Variants in TENM2 observed in about 807,000 individuals in gnomAD.
The protein encoded by TENM2 is teneurin transmembrane protein 2.
In TENM2, 52 loss-of-function variants were observed where a neutral mutation model predicts 245.2. That is an observed-to-expected ratio of 0.21 (90% CI 0.17 to 0.27). The LOEUF is 0.27. Among genes scored for constraint, TENM2 ranks in the 10% least tolerant of loss-of-function variants. The pLI is 1.00. For missense variants in TENM2, 3,046 were observed against 3,666.8 expected (o/e 0.83, Z 4.37); for synonymous variants, 1,363 against 1,438.9 (o/e 0.95, Z 1.19).
intron 2 of TENM2, among the ~76,000 whole-genome samples, chr5:167,489,822 A>G (rs756131401): frequency 2.0e-5 from 3 of 152,172 alleles, no homozygotes; most frequent in Non-Finnish European, 4.4e-5. Flanking sequence ...CAACTTAGTA[A>G]TACCTGAGAA....
the TENM2 span, among the ~76,000 whole-genome samples, chr5:167,179,463 A>G: frequency 1.3e-5 from 2 of 151,954 alleles, no homozygotes; most frequent in Admixed American, 6.6e-5. Context: ...ATTCTTTTTT[A>G]TTTTATTTTA....
intron 2 of TENM2, among the ~76,000 whole-genome samples, chr5:167,424,339 A>G (rs979349275): frequency 6.6e-6 from 1 of 152,044 alleles, no homozygotes; most frequent in Non-Finnish European, 1.5e-5. Context: ...ACACACACAC[A>G]TTCAGAAATT....
At chr5:167,801,844 A>G (rs1659009038) in intron 2 of TENM2, among the ~76,000 whole-genome samples, 2 of 152,084 alleles carry the variant, frequency 1.3e-5, no homozygotes. Flanking sequence ...GTAAGACCAG[A>G]GAGATCACAG....
At chr5:167,990,627 C>T (rs2152001857) in intron 4 of TENM2, among the ~76,000 whole-genome samples, 1 of 152,302 alleles carries the variant, frequency 6.6e-6, no homozygotes, top group South Asian at 2.1e-4. Context: ...AACACCATGC[C>T]TAGCTTCCTC....
Position 168,052,298 on chromosome 5 carries a change from G to A in TENM2, c.1309+4749G>A, listed in dbSNP as rs920394611. On this transcript the variant is annotated intron_variant, in intron 6 of 28. Transcript: ENST00000518659. ...CCCAGCTACTCGGGAGGCTGAGGCA[G>A]GAGAATGGCGTGAACCCAGGAGGCG... 2.6e-5 allele frequency among the ~76,000 whole-genome samples: 4 copies of A among 151,836 alleles called. No homozygotes were observed. In the East Asian group the frequency reaches 5.9e-4, roughly 22 times the overall value.
At chr5:168,135,791 G>T (rs1754996840) in intron 12 of TENM2, among the ~76,000 whole-genome samples, 2 of 152,258 alleles carry the variant, frequency 1.3e-5, no homozygotes, top group South Asian at 4.1e-4. Flanking sequence ...GTAAAGGAGA[G>T]GCCTGTTTGG....
At position 168,020,670 on chromosome 5, in the gene TENM2, G is replaced by A. The variant is rs575109118; in HGVS notation, c.1187-26757G>A. On this transcript the variant is annotated intron_variant, in intron 5 of 28. Coordinates refer to ENST00000518659, the Ensembl canonical transcript of TENM2. Reference sequence around the variant, plus strand: ...GTTGGGTAGGGTGGAACCTCCACCCGCCGGCTTCCCAAACTGATATGTTGG... The same window carrying A: ...GTTGGGTAGGGTGGAACCTCCACCCACCGGCTTCCCAAACTGATATGTTGG... Among the ~76,000 whole-genome samples the A allele has an allele frequency of 2.7e-4, 41 of 152,302 alleles. No homozygotes were observed. The South Asian group carries it at 8.1e-3, about 30-fold the overall frequency.
chr5:167,780,427 G>A (rs1484209858), intron 2 of TENM2, among the ~76,000 whole-genome samples: 3 of 152,130 alleles, frequency 2.0e-5, no homozygotes, highest in Admixed American at 6.5e-5. Flanking sequence ...CTCTCATATC[G>A]TAAACAAGTG....
Position 167,859,594 on chromosome 5 carries a change from C to T in TENM2, c.503-16392C>T, listed in dbSNP as rs1214002518. On this transcript the variant is annotated intron_variant, in intron 2 of 28. Coordinates refer to ENST00000518659, the Ensembl canonical transcript of TENM2. ...CCCCCGCCTGGCCAGCCGCCCCGTC[C>T]GGGAGGGAGGTGGGGGGGTCAGCCC... Among the ~76,000 whole-genome samples, 17 of 99,452 alleles carry T rather than the reference C, an allele frequency of 1.7e-4. No individual in the cohort carries two copies. The East Asian group carries it at 4.5e-3, about 27-fold the overall frequency. The allele number at this position is 99,452 out of a possible 152,430, so 65.2% of individuals were successfully genotyped here. A position where few individuals can be genotyped will look rare whatever the true frequency, so the allele number is the denominator to read the frequency against.
intron 4 of TENM2, among the ~76,000 whole-genome samples, chr5:167,985,587 G>C (rs894498214): frequency 6.6e-6 from 1 of 152,154 alleles, no homozygotes; most frequent in Non-Finnish European, 1.5e-5. Flanking sequence ...TGTGGGATAC[G>C]GGGTGAGAGA....
chr5:167,381,738 A>C (rs1326598582), intron 2 of TENM2, among the ~76,000 whole-genome samples: 1 of 152,162 alleles, frequency 6.6e-6, no homozygotes, highest in Non-Finnish European at 1.5e-5. Flanking sequence ...CCTGACCTAC[A>C]TACAGTCTTT....
chr5:167,545,660 A>G (rs1772514023), intron 2 of TENM2, among the ~76,000 whole-genome samples: 1 of 152,234 alleles, frequency 6.6e-6, no homozygotes, highest in Non-Finnish European at 1.5e-5. Flanking sequence ...ATGCTTTCAC[A>G]TAAGATACAT....
intron 4 of TENM2, among the ~76,000 whole-genome samples, chr5:167,964,349 C>T (rs1191862869): frequency 6.6e-6 from 1 of 152,152 alleles, no homozygotes; most frequent in Non-Finnish European, 1.5e-5. Flanking sequence ...AAAAGAGTCC[C>T]TAAGCAGGAC....
intron 2 of TENM2, among the ~76,000 whole-genome samples, chr5:167,640,896 T>TAC (rs1779560529): frequency 5.0e-5 from 5 of 99,492 alleles, no homozygotes; most frequent in African/African-American, 2.2e-4. Context: ...TATATATATA[T>TAC]ATATATATAT....
At chr5:167,602,718 A>T (rs1776726226) in intron 2 of TENM2, among the ~76,000 whole-genome samples, 1 of 152,224 alleles carries the variant, frequency 6.6e-6, no homozygotes, top group Admixed American at 6.5e-5. Context: ...TGATACAGAG[A>T]AAGAAGGAGA....
intron 2 of TENM2, among the ~76,000 whole-genome samples, chr5:167,755,671 A>G (rs551097125): frequency 4.0e-4 from 61 of 152,192 alleles, no homozygotes; most frequent in African/African-American, 1.4e-3. Flanking sequence ...CCTTTATTGT[A>G]GCTTGGTGTT....
chr5:167,384,254 A>T (rs1299342597), intron 2 of TENM2, among the ~76,000 whole-genome samples: 1 of 152,212 alleles, frequency 6.6e-6, no homozygotes, highest in Admixed American at 6.5e-5. Context: ...AGAAGAAAAT[A>T]AACATTATAT....
chr5:167,342,903 T>C (rs1172713076), intron 1 of TENM2, among the ~76,000 whole-genome samples: 1 of 151,828 alleles, frequency 6.6e-6, no homozygotes, highest in Non-Finnish European at 1.5e-5. Context: ...CAACTCACAC[T>C]TTAAGAGTAG....
At chr5:167,550,700 GTGTGTGT>G (rs1772878144) in intron 2 of TENM2, among the ~76,000 whole-genome samples, 1 of 1,166 alleles carries the variant, frequency 8.6e-4, no homozygotes, top group Non-Finnish European at 2.2e-3. Context: ...GTTGTTGTTA[GTGTGTGT>G]GTGTGTGTGT....
Sources: allele counts gnomAD v4.1 joint callset (sites outside exome capture counted in the v4.1 genomes callset), GRCh38; gene constraint gnomAD v4.1.1; transcripts MANE v1.5; gene names NCBI Gene and HGNC (gene_info 2026-07-23, HGNC 2026-07-21).